The following CCDC148 variants were observed in gnomAD, a reference collection of about 807,000 sequenced individuals.
CCDC148 encodes the protein coiled-coil domain containing 148.
Under a neutral mutation model 85.7 loss-of-function variants are expected in CCDC148, and 89 were observed. The ratio of observed to expected loss-of-function variants is 1.04; its 90% CI spans 0.87 to 1.24. CCDC148 has a LOEUF of 1.24. Ranked by LOEUF, CCDC148 falls within the 50% of genes most tolerant of loss-of-function variation. The pLI is 0.00. For missense variants in CCDC148, 692 were observed against 671.7 expected, an observed-to-expected ratio of 1.03 and a Z score of -0.33; for synonymous variants, 230 against 213.9, an observed-to-expected ratio of 1.08 and a Z score of -0.66.
chr2:158,307,725 T>C (rs1691763859), intron 9 of CCDC148, among the ~76,000 whole-genome samples: 1 of 152,178 alleles, frequency 6.6e-6, no homozygotes, highest in Non-Finnish European at 1.5e-5. Flanking sequence ...AACAAATAGC[T>C]GTAACATGCC....
At chr2:158,241,163 C>A (rs1281401156) in intron 10 of CCDC148, among the ~76,000 whole-genome samples, 1 of 152,168 alleles carries the variant, frequency 6.6e-6, no homozygotes, top group Admixed American at 6.6e-5. Flanking sequence ...GGAAGTAAAT[C>A]TCAAAGTCAC....
chr2:158,320,458 T>A (rs1490744155), intron 7 of CCDC148, among the ~76,000 whole-genome samples: 4 of 152,162 alleles, frequency 2.6e-5, no homozygotes, highest in Non-Finnish European at 4.4e-5. Flanking sequence ...TTAACTGCAA[T>A]TGGACTTCAA....
At chr2:158,408,590 AAC>A (rs750025750) in intron 1 of CCDC148, among the ~76,000 whole-genome samples, 13 of 151,314 alleles carry the variant, frequency 8.6e-5, no homozygotes, top group South Asian at 4.2e-4. Flanking sequence ...AATATTCATA[AAC>A]ACACACACAC....
chr2:158,358,105 C>T (rs983493545), intron 2 of CCDC148, among the ~76,000 whole-genome samples: 2 of 152,158 alleles, frequency 1.3e-5, no homozygotes, highest in African/African-American at 2.4e-5. Context: ...GAGCCTTAAT[C>T]AGATAATAGT....
At chr2:158,329,269 G>A (rs1191366703) in intron 7 of CCDC148, among the ~76,000 whole-genome samples, 4 of 152,122 alleles carry the variant, frequency 2.6e-5, no homozygotes, top group Non-Finnish European at 4.4e-5. Context: ...TATTAAATAG[G>A]GAATCCTTTC....
Position 158,426,962 on chromosome 2 carries a change from G to A in CCDC148, c.25+29453C>T, listed in dbSNP as rs535426163. 3.3e-5 allele frequency among the ~76,000 whole-genome samples: 5 copies of A among 152,274 alleles called. No individual in the cohort carries two copies. In the East Asian group the frequency reaches 7.7e-4, roughly 23 times the overall value. ...ATTTTGTGTTGTCAGTAGGCACAGT[G>A]TCTAGGTAGTGAATCCTGTAAGTTC... On this transcript the variant is annotated intron_variant, in intron 1 of 13. Transcript: ENST00000283233.
chr2:158,176,344 T>A (rs1393600509), intron 13 of CCDC148, among the ~76,000 whole-genome samples, 177 bp downstream of exon 13: 1 of 152,090 alleles, frequency 6.6e-6, no homozygotes, highest in Non-Finnish European at 1.5e-5. Flanking sequence ...ATTAACTAGT[T>A]TGTAATATTA....
intron 10 of CCDC148, among the ~76,000 whole-genome samples, chr2:158,243,891 A>ATTT (rs35809631): frequency 2.7e-5 from 4 of 148,068 alleles, no homozygotes; most frequent in African/African-American, 7.4e-5. Context: ...CACCTTCAAC[A>ATTT]TTTTTTTTTT....
chr2:158,240,965 G>C (rs1488264895), intron 10 of CCDC148, among the ~76,000 whole-genome samples: 1 of 152,178 alleles, frequency 6.6e-6, no homozygotes, highest in African/African-American at 2.4e-5. Flanking sequence ...TTCACACTAG[G>C]AAGCAGTCAG....
At chr2:158,260,746 G>A (rs1282616624) in intron 9 of CCDC148, among the ~76,000 whole-genome samples, 1 of 151,900 alleles carries the variant, frequency 6.6e-6, no homozygotes, top group Non-Finnish European at 1.5e-5. Context: ...GCCAAAACAC[G>A]AATGCAATCT....
chr2:158,205,845 G>T (rs1490589930), intron 11 of CCDC148, among the ~76,000 whole-genome samples: 2 of 152,102 alleles, frequency 1.3e-5, no homozygotes. Context: ...GATGCAGAGG[G>T]TTCACTGGTG....
chr2:158,349,235 T>G (rs59538076), intron 2 of CCDC148, among the ~76,000 whole-genome samples: 1,949 of 152,184 alleles, frequency 0.013, 33 homozygotes, highest in African/African-American at 0.04. Context: ...TCATTTTATT[T>G]AAATATGTTT....
At chr2:158,287,759 T>G (rs914196102) in intron 9 of CCDC148, among the ~76,000 whole-genome samples, 3 of 152,210 alleles carry the variant, frequency 2.0e-5, no homozygotes, top group Non-Finnish European at 2.9e-5. Context: ...AGCTGTTGGT[T>G]GATCTACCAT....
chr2:158,191,412 G>C (rs1015068837), intron 11 of CCDC148, among the ~76,000 whole-genome samples: 1 of 151,890 alleles, frequency 6.6e-6, no homozygotes, highest in Non-Finnish European at 1.5e-5. Context: ...CAGCGAAGAG[G>C]CTTCACAAAC....
chr2:158,308,846 G>T (rs1349654332), intron 9 of CCDC148, among the ~76,000 whole-genome samples: 2 of 152,064 alleles, frequency 1.3e-5, no homozygotes, highest in Non-Finnish European at 1.5e-5. Flanking sequence ...TCTGAGCATT[G>T]CTCCAGTCCT....
chr2:158,311,143 C>T lies in CCDC148; in HGVS notation c.904-1504G>A, dbSNP rs527480135. On this transcript the variant is annotated intron_variant, in intron 8 of 13. Coordinates refer to ENST00000283233, the MANE Select transcript of CCDC148 (RefSeq NM_138803.4). ...GGCGGCTGGGAGGTGGAGGTTGTAG[C>T]GAGCGGAGATCACGCCACTGCACTC... 1.7e-3 allele frequency among the ~76,000 whole-genome samples: 255 copies of T among 152,256 alleles called. 1 individual carries two copies. The highest frequency in any genetic ancestry group is 5.7e-3 in the African/African-American group (238 of 41,552).
intron 1 of CCDC148, among the ~76,000 whole-genome samples, chr2:158,423,750 A>G (rs1345763454): frequency 1.3e-5 from 2 of 152,244 alleles, no homozygotes; most frequent in Non-Finnish European, 2.9e-5. Context: ...TCTGCACAGC[A>G]AAAGAAACTA....
chr2:158,272,333 G>T (rs1305047153), intron 9 of CCDC148, among the ~76,000 whole-genome samples: 1 of 152,152 alleles, frequency 6.6e-6, no homozygotes, highest in African/African-American at 2.4e-5. Context: ...TGGTCTCATT[G>T]ATGGAGAAGA....
chr2:158,278,859 C>T (rs1690106368), intron 9 of CCDC148, among the ~76,000 whole-genome samples: 2 of 152,224 alleles, frequency 1.3e-5, no homozygotes, highest in Admixed American at 6.5e-5. Context: ...CCCTGAGCAG[C>T]CTAACTGGGA....
Sources: gnomAD v4.1 joint callset for allele counts (sites outside exome capture counted in the v4.1 genomes callset) on GRCh38, gnomAD v4.1.1 for gene constraint, MANE v1.5 for transcripts, NCBI Gene and HGNC (gene_info 2026-07-23, HGNC 2026-07-21) for gene names.